The following PRDX1 variants were observed in gnomAD, a reference collection of about 807,000 sequenced individuals.
PRDX1 encodes the protein peroxiredoxin 1.
In PRDX1, 19 loss-of-function variants were observed where a neutral mutation model predicts 20.7. That is an observed-to-expected ratio of 0.92 (90% CI 0.64 to 1.35). PRDX1 has a LOEUF of 1.35. PRDX1 is among the 40% of genes most tolerant of loss of function. PRDX1 has a pLI of 0.00. For missense variants in PRDX1, 226 were observed against 240.0 expected (o/e 0.94, Z 0.38); for synonymous variants, 89 against 83.9 (o/e 1.06, Z -0.33).
At chr1:45,518,127 T>TG (rs1331125170) in intron 2 of PRDX1, among the ~76,000 whole-genome samples, 1 of 152,076 alleles carries the variant, frequency 6.6e-6, no homozygotes, top group East Asian at 1.9e-4. Context: ...GCCCAGGAGT[T>TG]GGAGACCAGC....
In PRDX1 at chr1:45,514,570, G is replaced by T; in HGVS notation, c.451C>A (p.Arg151Ser). The stretch of plus-strand genomic sequence containing the variant: ...AGTCTCAAAGTCTCATCCACAGAGC[G>T]GCCAACAGGGAGGTCATTTACAGTG... ...QITVNDLPVG[R>S]SVDETLRLVQ... Residue 151 changes from arginine (R) to serine (S), a missense_variant, in exon 5 of 6, where the codon CGC becomes AGC. Arg to Ser is a moderately radical substitution (Grantham distance 110). Coordinates refer to ENST00000319248, the MANE Select transcript of PRDX1 (RefSeq NM_181697.3). 2 of 1,613,740 alleles carry T rather than the reference G, an allele frequency of 1.2e-6. No individual in the cohort carries two copies. Among genetic ancestry groups the T allele is most frequent in the Admixed American group, 1.7e-5 (1 of 60,012 alleles).
Position 45,511,187 on chromosome 1 carries a change from C to T in PRDX1, c.*142G>A, listed in dbSNP as rs908210866. 3 of 705,828 alleles carry T rather than the reference C, an allele frequency of 4.3e-6. No individual in the cohort carries two copies. The Admixed American group carries it at 7.8e-5, about 18-fold the overall frequency. 43.7% of individuals were successfully genotyped at this position (705,828 alleles called of 1,614,324 possible). Reference sequence around the variant, plus strand: ...GAAGAAAGGCTGGTCTCTCCACCCCCTGTAGGAAAGGCCTGCCTTGTAAGA... The same window carrying T: ...GAAGAAAGGCTGGTCTCTCCACCCCTTGTAGGAAAGGCCTGCCTTGTAAGA... On this transcript the variant is annotated 3_prime_UTR_variant, in exon 6 of 6. Transcript: ENST00000319248.
chr1:45,514,837 C>T, intron 4 of PRDX1, 36 bp downstream of exon 4: 1 of 1,612,694 alleles, frequency 6.2e-7, no homozygotes, highest in Non-Finnish European at 8.5e-7. Context: ...AAATAAAAGG[C>T]TTTCAGCCAA....
In PRDX1 at chr1:45,514,895, C is replaced by A; in HGVS notation, c.361G>T (p.Ala121Ser). The change falls in exon 4 of 6, where the codon GCT (alanine) becomes TCT (serine). Residue 121 changes from alanine to serine, a missense_variant. Ala to Ser is a moderately conservative substitution (Grantham distance 99). Transcript: ENST00000319248. ...TACCTGAACGAGATGCCTTCATCAG[C>A]CTTTAAGACCCCATAATCCTGAGCA... ...TIAQDYGVLK[A>S]DEGISFRGLF... 2 of 1,614,164 alleles carry A rather than the reference C, an allele frequency of 1.2e-6. No individual in the cohort carries two copies. The highest frequency in any genetic ancestry group is 1.7e-6 in the Non-Finnish European group (2 of 1,180,010).
At chr1:45,516,505 G>A (rs1178307299) in intron 2 of PRDX1, among the ~76,000 whole-genome samples, 1 of 152,130 alleles carries the variant, frequency 6.6e-6, no homozygotes, top group Non-Finnish European at 1.5e-5. Flanking sequence ...GAGAGAGAAA[G>A]AGGGAGACAG....
chr1:45,516,082 G>A (rs974002513), intron 2 of PRDX1, among the ~76,000 whole-genome samples: 1 of 152,200 alleles, frequency 6.6e-6, no homozygotes, highest in African/African-American at 2.4e-5. Context: ...GATCTTTTCT[G>A]AGTGGCTAAA....
intron 5 of PRDX1, chr1:45,513,225 A>C (rs1278407995): frequency 6.6e-6 from 1 of 152,228 alleles, no homozygotes; most frequent in African/African-American, 2.4e-5. Flanking sequence ...GGCATGCTTT[A>C]TCTCTAGAGG....
In PRDX1 at chr1:45,511,237, G is replaced by A. The variant is rs1643737342; in HGVS notation, c.*92C>T. 9.2e-7 allele frequency: 1 copy of A among 1,091,830 alleles called. No individual in the cohort carries two copies. Among genetic ancestry groups the A allele is most frequent in the South Asian group, 1.6e-5 (1 of 64,262 alleles). The allele number at this position is 1,091,830 out of a possible 1,614,324, so 67.6% of individuals were successfully genotyped here. ...ACACCACAATTCGGCTGAATCTGAA[G>A]TCTTGTGTTTTACTAATGGAAAAAA... On this transcript the variant is annotated 3_prime_UTR_variant, in exon 6 of 6. Coordinates refer to ENST00000319248, the MANE Select transcript of PRDX1 (RefSeq NM_181697.3).
At chr1:45,515,540 A>G (rs1570847631) in intron 3 of PRDX1, 114 bp downstream of exon 3, 1 of 1,097,198 alleles carries the variant, frequency 9.1e-7, no homozygotes, top group East Asian at 2.9e-5. Flanking sequence ...CAGAGCTTGA[A>G]GTGAGCGGAG....
At chr1:45,521,591 A>T (rs1643914057) in intron 1 of PRDX1, 1 of 151,702 alleles carries the variant, frequency 6.6e-6, no homozygotes, top group South Asian at 2.1e-4. Context: ...GGAAGACTCG[A>T]CTCGAGTCCA....
intron 2 of PRDX1, among the ~76,000 whole-genome samples, chr1:45,516,042 T>C (rs1034733397): frequency 6.6e-6 from 1 of 152,248 alleles, no homozygotes. Context: ...TAGCTACCAA[T>C]ACAGAGTAAA....
Position 45,516,269 on chromosome 1 carries a change from T to C in PRDX1, c.107-462A>G, listed in dbSNP as rs529258890. Among the ~76,000 whole-genome samples, 18 of 152,340 alleles carry C rather than the reference T, an allele frequency of 1.2e-4. No individual in the cohort carries two copies. The East Asian group carries it at 3.5e-3, about 29-fold the overall frequency. On this transcript the variant is annotated intron_variant, in intron 2 of 5. Coordinates refer to ENST00000319248, the MANE Select transcript of PRDX1 (RefSeq NM_181697.3). ...TTTGCACTTCTCCCGTGATGAACCA[T>C]AGTAATGGAACAAGCATGGTTTAAG...
intron 1 of PRDX1, 112 bp downstream of exon 1, chr1:45,521,717 C>T (rs1038697114): frequency 1.3e-5 from 2 of 152,564 alleles, no homozygotes; most frequent in Non-Finnish European, 2.9e-5. Context: ...CCTCACGCAT[C>T]ACAGCACCCC....
At chr1:45,520,342 A>G (rs1379204265) in intron 1 of PRDX1, among the ~76,000 whole-genome samples, 3 of 151,900 alleles carry the variant, frequency 2.0e-5, no homozygotes, top group Non-Finnish European at 4.4e-5. Flanking sequence ...TGGGGCTAAT[A>G]TCCCAGGGCG....
intron 4 of PRDX1, 93 bp downstream of exon 4, chr1:45,514,780 A>C: frequency 6.3e-7 from 1 of 1,577,202 alleles, no homozygotes; most frequent in Non-Finnish European, 8.6e-7. Flanking sequence ...TGCATAAAGG[A>C]ATGAAATGAC....
At chr1:45,514,432 A>C in intron 5 of PRDX1, 75 bp downstream of exon 5, 1 of 1,541,716 alleles carries the variant, frequency 6.5e-7, no homozygotes, top group Non-Finnish European at 8.9e-7. Context: ...AACGAGAAAC[A>C]CCCACAGGTG....
In PRDX1 at chr1:45,515,737, G is replaced by A. The variant is rs760500844; in HGVS notation, c.177C>T (p.Phe59=). The A allele has an allele frequency of 8.7e-6, 14 of 1,605,784 alleles. No individual in the cohort carries two copies. The highest frequency in any genetic ancestry group is 1.6e-4 in the Middle Eastern group (1 of 6,070). The part of the protein sequence containing the change: ...TFVCPTEIIA[F]SDRAEEFKKL... ...TCTTAAATTCTTCTGCCCTATCACT[G>A]AAAGCAATGATCTCCGTGGGGCACA... Residue 59 remains phenylalanine (F), a synonymous_variant, in exon 3 of 6, where the codon TTC becomes TTT. Transcript: ENST00000319248.
chr1:45,511,385 C>T lies in PRDX1; in HGVS notation c.544G>A (p.Asp182Asn). 4 of 1,613,158 alleles carry T rather than the reference C, an allele frequency of 2.5e-6. No individual in the cohort carries two copies. Among genetic ancestry groups the T allele is most frequent in the Non-Finnish European group, 2.5e-6 (3 of 1,179,656 alleles). ...VCPAGWKPGSDTIKPDVQKSK... is the reference protein window; with the variant it reads ...VCPAGWKPGSNTIKPDVQKSK... ...TTTTGGACATCAGGCTTGATGGTATCACTGCCAGGTTTCCAGCCAGCTGGG... is the reference window on the plus strand; with the variant it reads ...TTTTGGACATCAGGCTTGATGGTATTACTGCCAGGTTTCCAGCCAGCTGGG... The change falls in exon 6 of 6, where the codon GAT (aspartate) becomes AAT (asparagine). Residue 182 changes from aspartate to asparagine, a missense_variant. Transcript: ENST00000319248.
At chr1:45,515,853 CT>C in intron 2 of PRDX1, 46 bp from the exon 3 acceptor site, 1 of 1,492,244 alleles carries the variant, frequency 6.7e-7, no homozygotes, top group Non-Finnish European at 9.0e-7. Context: ...CACAGACTTC[CT>C]TGCTTTATAT....
Sources: allele counts gnomAD v4.1 joint callset (sites outside exome capture counted in the v4.1 genomes callset), GRCh38; gene constraint gnomAD v4.1.1; transcripts MANE v1.5; gene names NCBI Gene and HGNC (gene_info 2026-07-23, HGNC 2026-07-21).